HEPHL1: variants seen among roughly 807,000 people sequenced by gnomAD.
HEPHL1 encodes the protein hephaestin like 1.
Under a neutral mutation model 122.0 loss-of-function variants are expected in HEPHL1, and 123 were observed. That is an observed-to-expected ratio of 1.01 (90% CI 0.87 to 1.17). The LOEUF (loss-of-function observed/expected upper bound fraction) is 1.17, where lower values mean the gene tolerates loss of function less well. HEPHL1 is among the 50% of genes most tolerant of loss of function. The pLI is 0.00. For synonymous variants in HEPHL1, 527 were observed against 508.9 expected (o/e 1.04, Z -0.48); for missense variants, 1,452 against 1,430.5 (o/e 1.01, Z -0.24).
At chr11:94,072,830 C>A (rs1946087034) in intron 6 of HEPHL1, among the ~76,000 whole-genome samples, 195 bp from the exon 7 acceptor site, 1 of 152,088 alleles carries the variant, frequency 6.6e-6, no homozygotes, top group Non-Finnish European at 1.5e-5. Context: ...GAGAAATGAG[C>A]TTGAGTATCA....
chr11:94,031,834 C>T (rs1376803697), intron 1 of HEPHL1, among the ~76,000 whole-genome samples: 1 of 152,212 alleles, frequency 6.6e-6, no homozygotes, highest in Non-Finnish European at 1.5e-5. Context: ...TAATCAGATG[C>T]TCTGGGCAGA....
At chr11:94,050,282 AAG>A (rs1350045284) in intron 2 of HEPHL1, among the ~76,000 whole-genome samples, 2 of 152,260 alleles carry the variant, frequency 1.3e-5, no homozygotes, top group African/African-American at 4.8e-5. Context: ...ATTGTGAATG[AAG>A]AGAGTTTTAA....
chr11:94,111,056 C>A lies in HEPHL1; in HGVS notation c.3199C>A (p.Arg1067Ser). ...AGMETTYTVL[R>S]NIDNRIPYST... ...CATGGAGACAACCTACACGGTCCTT[C>A]GTAACATAGGTACGGTTGTCTGTCA... The change falls in exon 18 of 20, where the codon CGT (arginine) becomes AGT (serine). Residue 1067 changes from arginine (R) to serine (S), a missense_variant. Physicochemically the swap from Arg to Ser is moderately radical, Grantham distance 110 (BLOSUM62 -1). Coordinates refer to ENST00000315765, the MANE Select transcript of HEPHL1 (RefSeq NM_001098672.2). The A allele has an allele frequency of 6.3e-7, 1 of 1,589,894 alleles. No homozygotes were observed. Among genetic ancestry groups the A allele is most frequent in the Admixed American group, 1.8e-5 (1 of 56,482 alleles).
chr11:94,087,809 G>C (rs531500564), intron 11 of HEPHL1, among the ~76,000 whole-genome samples: 1 of 152,114 alleles, frequency 6.6e-6, no homozygotes, highest in African/African-American at 2.4e-5. Context: ...GGTACCCATT[G>C]AATCAACCCA....
At chr11:94,075,452 A>G in intron 9 of HEPHL1, 67 bp downstream of exon 9, 1 of 1,210,384 alleles carries the variant, frequency 8.3e-7, no homozygotes. Flanking sequence ...AGAGCCAGAG[A>G]CGAGACAGGA....
intron 1 of HEPHL1, among the ~76,000 whole-genome samples, chr11:94,043,692 C>T (rs1945807767): frequency 6.6e-6 from 1 of 152,026 alleles, no homozygotes; most frequent in Admixed American, 6.5e-5. Context: ...ATGTCTTCTA[C>T]ATCAACTTTT....
intron 17 of HEPHL1, among the ~76,000 whole-genome samples, chr11:94,108,526 T>C (rs918410199): frequency 6.6e-6 from 1 of 152,074 alleles, no homozygotes; most frequent in African/African-American, 2.4e-5. Context: ...CTTTTAGAAG[T>C]GGTATAGTTT....
Position 94,064,461 on chromosome 11 carries a change from T to C in HEPHL1, c.759T>C (p.Asp253=), listed in dbSNP as rs1341840969. The C allele has an allele frequency of 6.2e-7, 1 of 1,613,340 alleles. No individual in the cohort carries two copies. Among genetic ancestry groups the C allele is most frequent in the Admixed American group, 1.7e-5 (1 of 59,980 alleles). Residue 253 remains aspartate (D), a synonymous_variant, in exon 4 of 20, where the codon GAT becomes GAC. Transcript: ENST00000315765. The part of the protein sequence containing the change: ...ENIKHFCTNP[D]SVDKKDAVFQ... ...TCAAACATTTCTGCACCAACCCTGA[T>C]TCAGTTGACAAGAAAGATGCTGTTT...
chr11:94,072,724 T>C (rs1946085791), intron 6 of HEPHL1, among the ~76,000 whole-genome samples: 2 of 152,138 alleles, frequency 1.3e-5, no homozygotes, highest in Admixed American at 1.3e-4. Flanking sequence ...TGTTACTTTG[T>C]AGAACACCAT....
At chr11:94,108,551 T>C (rs1946425428) in intron 17 of HEPHL1, among the ~76,000 whole-genome samples, 1 of 152,094 alleles carries the variant, frequency 6.6e-6, no homozygotes, top group East Asian at 1.9e-4. Flanking sequence ...TTTAGGGCTC[T>C]GATACATTTT....
chr11:94,023,271 C>A (rs1945596649), intron 1 of HEPHL1, among the ~76,000 whole-genome samples: 1 of 152,084 alleles, frequency 6.6e-6, no homozygotes, highest in Admixed American at 6.6e-5. Context: ...TGAGGGAAGC[C>A]AAGGATCACA....
chr11:94,038,173 A>G (rs1945743021), intron 1 of HEPHL1, among the ~76,000 whole-genome samples: 1 of 151,070 alleles, frequency 6.6e-6, no homozygotes, highest in African/African-American at 2.4e-5. Flanking sequence ...TTAGAGAAAA[A>G]AGAATAAAAA....
At chr11:94,073,976 A>G (rs1946100214) in intron 8 of HEPHL1, among the ~76,000 whole-genome samples, 1 of 152,162 alleles carries the variant, frequency 6.6e-6, no homozygotes, top group Admixed American at 6.6e-5. Context: ...TAGGTTCTCT[A>G]AATGTAAGAA....
At chr11:94,062,647 T>A (rs1362974926) in intron 2 of HEPHL1, among the ~76,000 whole-genome samples, 1 of 152,168 alleles carries the variant, frequency 6.6e-6, no homozygotes, top group African/African-American at 2.4e-5. Context: ...TCCAGCTTTT[T>A]TTTTTTTTCA....
At position 94,026,669 on chromosome 11, in the gene HEPHL1, G is replaced by C. The variant is rs572950781; in HGVS notation, c.170+5131G>C. Among the ~76,000 whole-genome samples the C allele has an allele frequency of 1.7e-3, 264 of 152,310 alleles. 1 individual carries two copies. Among genetic ancestry groups the C allele is most frequent in the African/African-American group, 6.1e-3 (255 of 41,576 alleles). The stretch of plus-strand genomic sequence containing the variant: ...TTAAAAGGTTAGCACACCATGAAGT[G>C]GGGTGACCAATCTTCTGTCTCTGGG... On this transcript the variant is annotated intron_variant, in intron 1 of 19. Transcript: ENST00000315765.
At chr11:94,083,906 TG>T (rs1242495699) in intron 10 of HEPHL1, among the ~76,000 whole-genome samples, 16 of 152,170 alleles carry the variant, frequency 1.1e-4, no homozygotes, top group Admixed American at 2.0e-4. Flanking sequence ...GAAACTAAAT[TG>T]TAAAAGAAAT....
chr11:94,067,110 T>G (rs576700170), intron 4 of HEPHL1, among the ~76,000 whole-genome samples: 2 of 152,252 alleles, frequency 1.3e-5, no homozygotes, highest in African/African-American at 4.8e-5. Context: ...GGGTTTCTAG[T>G]TCCAAGGAGC....
intron 2 of HEPHL1, chr11:94,056,021 T>C: frequency 3.1e-6 from 2 of 646,362 alleles, no homozygotes; most frequent in Non-Finnish European, 2.5e-6. Context: ...TCTCTGTTCT[T>C]TAAATTAAGT....
At position 94,036,834 on chromosome 11, in the gene HEPHL1, G is replaced by A. The variant is rs1281241218; in HGVS notation, c.171-8839G>A. On this transcript the variant is annotated intron_variant, in intron 1 of 19. Transcript: ENST00000315765. Reference sequence around the variant, plus strand: ...AGCCTGGGCAACAGAGCAAGACTCCGTCTCAAAAAAAAAAAAAAAAAAAGG... The same window carrying A: ...AGCCTGGGCAACAGAGCAAGACTCCATCTCAAAAAAAAAAAAAAAAAAAGG... Among the ~76,000 whole-genome samples, 252 of 102,384 alleles carry A rather than the reference G, an allele frequency of 2.5e-3. 2 individuals carry two copies. In the Admixed American group the frequency reaches 0.026, roughly 11 times the overall value. 67.2% of individuals were successfully genotyped at this position (102,384 alleles called of 152,430 possible).
Sources: allele counts gnomAD v4.1 joint callset (sites outside exome capture counted in the v4.1 genomes callset), GRCh38; gene constraint gnomAD v4.1.1; transcripts MANE v1.5; gene names NCBI Gene and HGNC (gene_info 2026-07-23, HGNC 2026-07-21).